PVT1: variants seen among roughly 807,000 people sequenced by gnomAD.
The protein encoded by PVT1 is Pvt1 oncogene.
chr8:127,796,006 G>C (rs566519441), exon 2 of PVT1: 1 of 170,466 alleles, frequency 5.9e-6, no homozygotes, highest in African/African-American at 2.4e-5. Context: ...TTACATCTTG[G>C]AGGTGAGGAC....
chr8:127,865,956 G>C (rs905762065), intron 2 of PVT1, among the ~76,000 whole-genome samples: 1 of 152,180 alleles, frequency 6.6e-6, no homozygotes, highest in Non-Finnish European at 1.5e-5. Flanking sequence ...GACCTGGCAG[G>C]GATGGCTTAA....
At chr8:127,936,034 C>CTCT (rs1282648608) in intron 3 of PVT1, among the ~76,000 whole-genome samples, 10 of 101,268 alleles carry the variant, frequency 9.9e-5, no homozygotes, top group Non-Finnish European at 1.7e-4. Context: ...CTCTCTCTCT[C>CTCT]TTTTTTTTTT....
At chr8:127,796,577 G>A (rs891225888) in intron 2 of PVT1, among the ~76,000 whole-genome samples, 2 of 152,108 alleles carry the variant, frequency 1.3e-5, no homozygotes, top group African/African-American at 4.8e-5. Flanking sequence ...AGATGGACAC[G>A]TTTCTCTGGC....
intron 4 of PVT1, among the ~76,000 whole-genome samples, chr8:128,043,730 A>G (rs906696341): frequency 6.7e-6 from 1 of 148,204 alleles, no homozygotes; most frequent in Non-Finnish European, 1.5e-5. Context: ...CACATACATT[A>G]TTTTTTAACT....
intron 2 of PVT1, among the ~76,000 whole-genome samples, chr8:127,808,367 A>T (rs994400760): frequency 9.2e-5 from 14 of 152,050 alleles, no homozygotes; most frequent in African/African-American, 3.4e-4. Context: ...AATTTCTTTC[A>T]AAACAGTTTA....
intron 3 of PVT1, among the ~76,000 whole-genome samples, chr8:127,950,238 A>G (rs1816489480): frequency 6.6e-6 from 1 of 152,200 alleles, no homozygotes. Context: ...CTTGGGTGCT[A>G]CTGTGTGCCA....
At chr8:127,998,007 G>A (rs978575242) in intron 4 of PVT1, among the ~76,000 whole-genome samples, 3 of 152,178 alleles carry the variant, frequency 2.0e-5, no homozygotes, top group Non-Finnish European at 4.4e-5. Context: ...TTATTAGATT[G>A]GGATTATGGA....
intron 5 of PVT1, among the ~76,000 whole-genome samples, chr8:128,077,172 G>A (rs915749176): frequency 6.6e-6 from 1 of 152,226 alleles, no homozygotes; most frequent in Admixed American, 6.5e-5. Context: ...GTGTAAATGG[G>A]TGTGAAGCCA....
intron 4 of PVT1, among the ~76,000 whole-genome samples, chr8:128,053,853 C>A (rs537910606): frequency 3.3e-5 from 5 of 152,360 alleles, no homozygotes; most frequent in African/African-American, 1.2e-4. Context: ...GCCAGGGCAG[C>A]CAGCCTGTAT....
intron 3 of PVT1, among the ~76,000 whole-genome samples, chr8:127,926,125 C>G (rs1028073820): frequency 6.6e-6 from 1 of 152,184 alleles, no homozygotes; most frequent in Non-Finnish European, 1.5e-5. Context: ...GCTCTCTTCT[C>G]CCCAGAGTGG....
intron 3 of PVT1, among the ~76,000 whole-genome samples, chr8:127,919,826 A>G (rs1027507945): frequency 6.6e-6 from 1 of 152,230 alleles, no homozygotes; most frequent in African/African-American, 2.4e-5. Flanking sequence ...TTCCACTGTC[A>G]GGTTTTCTTC....
At chr8:127,952,586 C>T (rs186250129) in intron 3 of PVT1, among the ~76,000 whole-genome samples, 3 of 152,316 alleles carry the variant, frequency 2.0e-5, no homozygotes, top group Admixed American at 6.5e-5. Context: ...AAAGAACTGG[C>T]ATGTTTTGGG....
chr8:127,815,743 A>G (rs564810839), intron 2 of PVT1, among the ~76,000 whole-genome samples: 1 of 152,348 alleles, frequency 6.6e-6, no homozygotes, highest in South Asian at 2.1e-4. Context: ...ATAAATGGCT[A>G]GCAAATAATT....
At chr8:128,037,993 A>T (rs1386133570) in intron 4 of PVT1, among the ~76,000 whole-genome samples, 1 of 152,208 alleles carries the variant, frequency 6.6e-6, no homozygotes, top group Non-Finnish European at 1.5e-5. Flanking sequence ...CTACTTTCTT[A>T]TCTAAAAATA....
intron 2 of PVT1, among the ~76,000 whole-genome samples, chr8:127,838,574 A>G (rs755617007): frequency 1.2e-4 from 18 of 152,272 alleles, no homozygotes; most frequent in Non-Finnish European, 1.9e-4. Flanking sequence ...GTGTGCTGGC[A>G]GGCACCTGTA....
intron 4 of PVT1, among the ~76,000 whole-genome samples, chr8:128,056,045 C>T (rs989880402): frequency 6.6e-6 from 1 of 152,180 alleles, no homozygotes; most frequent in African/African-American, 2.4e-5. Context: ...AGGTTTATGA[C>T]TCTCAGCTTC....
intron 3 of PVT1, among the ~76,000 whole-genome samples, chr8:127,963,046 A>G (rs113864019): frequency 5.9e-5 from 9 of 152,208 alleles, no homozygotes; most frequent in African/African-American, 2.2e-4. Flanking sequence ...CGGGATTGAG[A>G]TCGGGCTGGC....
chr8:127,937,609 A>AGAGAGAGAGAC (rs1816294484), intron 3 of PVT1, among the ~76,000 whole-genome samples: 1 of 149,004 alleles, frequency 6.7e-6, no homozygotes, highest in Non-Finnish European at 1.5e-5. Context: ...AGAGAGAGAG[A>AGAGAGAGAGAC]CCAACGTGGC....
chr8:127,826,265 G>A (rs1324800307), intron 2 of PVT1, among the ~76,000 whole-genome samples: 2 of 151,898 alleles, frequency 1.3e-5, no homozygotes, highest in Admixed American at 6.6e-5. Context: ...AATAATAATA[G>A]TCCCTAATTC....
Sources: allele counts gnomAD v4.1 joint callset (sites outside exome capture counted in the v4.1 genomes callset), GRCh38; gene constraint gnomAD v4.1.1; transcripts MANE v1.5; gene names NCBI Gene and HGNC (gene_info 2026-07-23, HGNC 2026-07-21).